SLC2A9: variants seen among roughly 807,000 people sequenced by gnomAD.
SLC2A9 encodes solute carrier family 2, facilitated glucose transporter member 9.
In SLC2A9, 39 loss-of-function variants were observed where a neutral mutation model predicts 50.6. The observed-to-expected ratio is 0.77, with a 90% CI of 0.60 to 1.01. SLC2A9 has a LOEUF of 1.01. Ranked by LOEUF, SLC2A9 falls within the 50% of genes least tolerant of loss-of-function variation. The pLI, the probability that SLC2A9 is intolerant of heterozygous loss-of-function variation, is 0.00. For synonymous variants in SLC2A9, 324 were observed against 276.9 expected (o/e 1.17, Z -1.69); for missense variants, 686 against 677.6 (o/e 1.01, Z -0.14).
At chr4:10,032,443 G>T (rs1322503456) in intron 1 of SLC2A9, among the ~76,000 whole-genome samples, 1 of 152,112 alleles carries the variant, frequency 6.6e-6, no homozygotes, top group Non-Finnish European at 1.5e-5. Flanking sequence ...TAAGAGCCAT[G>T]GGAAATCTAG....
upstream of SLC2A9, among the ~76,000 whole-genome samples, chr4:10,026,345 T>A (rs7683792): frequency 0.84 from 127,220 of 151,902 alleles, 53,391 homozygotes; most frequent in East Asian, 0.98. Flanking sequence ...ATTTTTTTTT[T>A]AAAAATCAAC....
chr4:9,936,450 G>A (rs1226083810), intron 6 of SLC2A9, among the ~76,000 whole-genome samples: 2 of 152,178 alleles, frequency 1.3e-5, no homozygotes, highest in Non-Finnish European at 2.9e-5. Context: ...ACACACAGTA[G>A]GCCTTCCAGA....
chr4:9,803,077 G>A (rs1721674797), intron 3 of SLC2A9, among the ~76,000 whole-genome samples: 1 of 152,224 alleles, frequency 6.6e-6, no homozygotes, highest in Non-Finnish European at 1.5e-5. Flanking sequence ...GAATTGGAAG[G>A]TTTGGACCTG....
chr4:10,010,616 AATGAACAGT>A (rs1329597069), intron 2 of SLC2A9, among the ~76,000 whole-genome samples: 1 of 152,118 alleles, frequency 6.6e-6, no homozygotes, highest in African/African-American at 2.4e-5. Flanking sequence ...CAGGGAAACA[AATGAACAGT>A]ATTGTTTTAG....
In SLC2A9 at chr4:9,958,424, A is replaced by G. The variant is rs530847668; in HGVS notation, c.682-16379T>C. On this transcript the variant is annotated intron_variant, in intron 5 of 11. Transcript: ENST00000264784. ...ACCAAACACCGCATGTCCTCAACTC[A>G]TAAGTGGGAGTTGAACAATGAGAAC... 7.9e-5 allele frequency among the ~76,000 whole-genome samples: 12 copies of G among 152,326 alleles called. No individual in the cohort carries two copies. The East Asian group carries it at 1.4e-3, about 17-fold the overall frequency.
chr4:9,812,349 G>A (rs760166361), intron 3 of SLC2A9, among the ~76,000 whole-genome samples: 1 of 152,206 alleles, frequency 6.6e-6, no homozygotes, highest in Non-Finnish European at 1.5e-5. Context: ...TCCACTTAAA[G>A]TTATTTAATT....
chr4:10,013,868 A>G (rs999175011), intron 2 of SLC2A9, among the ~76,000 whole-genome samples: 1 of 152,096 alleles, frequency 6.6e-6, no homozygotes, highest in Non-Finnish European at 1.5e-5. Context: ...TGGGCCGAGG[A>G]CTTACAAGCC....
chr4:9,939,605 T>TA (rs1422423534), intron 6 of SLC2A9, among the ~76,000 whole-genome samples: 27 of 151,864 alleles, frequency 1.8e-4, no homozygotes, highest in Non-Finnish European at 2.9e-4. Flanking sequence ...TTTTTTTTTT[T>TA]AGGTCTTAAA....
At chr4:10,021,013 C>T (rs949318450) in intron 1 of SLC2A9, among the ~76,000 whole-genome samples, 1 of 152,242 alleles carries the variant, frequency 6.6e-6, no homozygotes, top group East Asian at 1.9e-4. Flanking sequence ...AAGTGCGGGG[C>T]AGGGCAGCCT....
At position 10,033,336 on chromosome 4, in the gene SLC2A9, C is replaced by T. The variant is rs368465574; in HGVS notation, c.-41+6794G>A. Among the ~76,000 whole-genome samples, 11 of 152,146 alleles carry T rather than the reference C, an allele frequency of 7.2e-5. No homozygotes were observed. In the East Asian group the frequency reaches 9.6e-4, roughly 13 times the overall value. On this transcript the variant is annotated intron_variant, in intron 1 of 12. Coordinates refer to the SLC2A9 transcript ENST00000309065. ...GGAGGCTCATCTATCTACTCCCAGG[C>T]GGCTTCCTTCTGACTCAGATGGCTT...
Position 9,920,470 on chromosome 4 carries a change from T to C in SLC2A9, c.917A>G (p.Glu306Gly), listed in dbSNP as rs1743721574. Residue 306 changes from glutamate to glycine, a missense_variant, in exon 7 of 12, where the codon GAG becomes GGG. Physicochemically the swap from Glu to Gly is moderately conservative, Grantham distance 98 (BLOSUM62 -2). Transcript: ENST00000264784. ...GCGGACGTAGGGAGCTCTCAGCAGC[T>C]CCAGCACGGACACCAGGCGGATGCT... ...QRSIRLVSVL[E>G]LLRAPYVRWQ... 6.2e-7 allele frequency: 1 copy of C among 1,614,018 alleles called. No individual in the cohort carries two copies. Among genetic ancestry groups the C allele is most frequent in the East Asian group, 2.2e-5 (1 of 44,888 alleles).
downstream of SLC2A9, among the ~76,000 whole-genome samples, chr4:9,822,520 C>T (rs1338771170): frequency 6.6e-6 from 1 of 152,080 alleles, no homozygotes; most frequent in Non-Finnish European, 1.5e-5. Flanking sequence ...TTTTGATTTG[C>T]ATTTGCGTAC....
At chr4:10,037,662 G>T (rs1764149429) in intron 1 of SLC2A9, among the ~76,000 whole-genome samples, 1 of 152,084 alleles carries the variant, frequency 6.6e-6, no homozygotes, top group Non-Finnish European at 1.5e-5. Flanking sequence ...TTAAATAAAG[G>T]CAGGGGCTGG....
intron 3 of SLC2A9, among the ~76,000 whole-genome samples, chr4:9,800,533 C>T (rs1258886521): frequency 6.6e-6 from 1 of 152,186 alleles, no homozygotes; most frequent in African/African-American, 2.4e-5. Flanking sequence ...ACACCTTGGT[C>T]TCGGACATCT....
downstream of SLC2A9, chr4:9,779,791 G>A (rs577955114): frequency 4.6e-5 from 7 of 151,620 alleles, no homozygotes; most frequent in African/African-American, 1.7e-4. Context: ...TAACCAGTGG[G>A]TAAAACAACA....
intron 8 of SLC2A9, among the ~76,000 whole-genome samples, chr4:9,907,261 T>C (rs879781065): frequency 9.2e-5 from 14 of 152,194 alleles, no homozygotes; most frequent in African/African-American, 3.4e-4. Flanking sequence ...CACAAGCATT[T>C]CATAAAGAGG....
At chr4:9,888,117 G>A (rs1314017073) in intron 9 of SLC2A9, among the ~76,000 whole-genome samples, 6 of 151,298 alleles carry the variant, frequency 4.0e-5, no homozygotes, top group African/African-American at 1.5e-4. Context: ...GGCCTGTTTT[G>A]GGGGGTGGGG....
intron 10 of SLC2A9, among the ~76,000 whole-genome samples, chr4:9,852,533 T>G (rs1008127898): frequency 2.6e-5 from 4 of 151,830 alleles, no homozygotes; most frequent in African/African-American, 7.3e-5. Context: ...ATTACAGGCA[T>G]GAGCCACCGC....
chr4:9,989,724 G>T (rs1243825931), intron 3 of SLC2A9, among the ~76,000 whole-genome samples: 1 of 151,984 alleles, frequency 6.6e-6, no homozygotes, highest in Non-Finnish European at 1.5e-5. Flanking sequence ...TTGCTCAGAG[G>T]AAGAGTCTCA....
Sources: allele counts gnomAD v4.1 joint callset (sites outside exome capture counted in the v4.1 genomes callset), GRCh38; gene constraint gnomAD v4.1.1; transcripts MANE v1.5; gene names NCBI Gene and HGNC (gene_info 2026-07-23, HGNC 2026-07-21).